The following GDAP1 variants were observed in gnomAD, a reference collection of about 807,000 sequenced individuals.
GDAP1 encodes ganglioside-induced differentiation-associated protein 1.
In GDAP1, 34 loss-of-function variants were observed where a neutral mutation model predicts 40.1. That is an observed-to-expected ratio of 0.85 (90% CI 0.64 to 1.13). The LOEUF is 1.13. Among genes scored for constraint, GDAP1 ranks in the 50% most tolerant of loss-of-function variants. The probability of loss-of-function intolerance (pLI) is 0.00; values close to 1 mark genes in which losing one functional copy is unlikely to be tolerated. For synonymous variants in GDAP1, 170 were observed against 157.4 expected (o/e 1.08, Z -0.60); for missense variants, 374 against 433.7 (o/e 0.86, Z 1.22).
At chr8:74,403,575 C>G (rs1805591851) in intron 2 of GDAP1, among the ~76,000 whole-genome samples, 1 of 150,216 alleles carries the variant, frequency 6.7e-6, no homozygotes, top group South Asian at 2.1e-4. Flanking sequence ...TTAGCTTTTG[C>G]TGGTGAAGCA....
downstream of GDAP1, among the ~76,000 whole-genome samples, chr8:74,368,597 G>A (rs1417588842): frequency 6.6e-6 from 1 of 152,102 alleles, no homozygotes; most frequent in African/African-American, 2.4e-5. Flanking sequence ...GACTACATGA[G>A]TCCTATCAGA....
chr8:74,447,639 C>T (rs1390167566), intron 2 of GDAP1, among the ~76,000 whole-genome samples: 5 of 152,112 alleles, frequency 3.3e-5, no homozygotes, highest in Non-Finnish European at 7.4e-5. Flanking sequence ...TCAGATTCCC[C>T]CAAGCACACC....
rs371349812 is a variant in GDAP1 at position 74,350,449 on chromosome 8, C to A, written c.-13C>A. ...CGGACAGGCTGGGCGCACCCGTGCT[C>A]GCGCACCCCAAGATGGCTGAGAGGC... is the stretch of plus-strand genomic sequence containing the variant. On this transcript the variant is annotated 5_prime_UTR_variant, in exon 1 of 6. Coordinates refer to ENST00000220822, the MANE Select transcript of GDAP1 (RefSeq NM_018972.4). 6.4e-7 allele frequency: 1 copy of A among 1,551,920 alleles called. No individual in the cohort carries two copies. Among genetic ancestry groups the A allele is most frequent in the Non-Finnish European group, 8.9e-7 (1 of 1,125,432 alleles).
At chr8:74,359,654 A>G (rs1054690227) in intron 2 of GDAP1, among the ~76,000 whole-genome samples, 2 of 152,176 alleles carry the variant, frequency 1.3e-5, no homozygotes, top group African/African-American at 4.8e-5. Context: ...AACTTTATTG[A>G]GGGCCTCAAG....
intron 2 of GDAP1, among the ~76,000 whole-genome samples, chr8:74,380,730 C>G (rs1563452438): frequency 6.6e-6 from 1 of 151,984 alleles, no homozygotes; most frequent in Non-Finnish European, 1.5e-5. Flanking sequence ...TTTCTTTAAC[C>G]ATCTTCAAGT....
chr8:74,442,251 C>G (rs1010523822), intron 2 of GDAP1, among the ~76,000 whole-genome samples: 1 of 152,218 alleles, frequency 6.6e-6, no homozygotes, highest in African/African-American at 2.4e-5. Flanking sequence ...GGCCTAAGTT[C>G]TTCCTTATAG....
chr8:74,460,693 A>T (rs1806390385), intron 2 of GDAP1, among the ~76,000 whole-genome samples: 2 of 152,146 alleles, frequency 1.3e-5, no homozygotes, highest in South Asian at 2.1e-4. Flanking sequence ...GGAAGAAATG[A>T]GCTATGGAAT....
At chr8:74,405,069 A>G (rs1805619651) in intron 2 of GDAP1, among the ~76,000 whole-genome samples, 1 of 150,200 alleles carries the variant, frequency 6.7e-6, no homozygotes, top group Non-Finnish European at 1.5e-5. Flanking sequence ...ATAAAGAAAA[A>G]GAGGTTTAAT....
chr8:74,390,980 TA>T (rs1357280661), intron 2 of GDAP1, among the ~76,000 whole-genome samples: 1 of 152,152 alleles, frequency 6.6e-6, no homozygotes, highest in Non-Finnish European at 1.5e-5. Flanking sequence ...TTGTTTACAC[TA>T]TGAGGGGAAA....
intron 2 of GDAP1, among the ~76,000 whole-genome samples, chr8:74,374,564 A>T (rs1209218361): frequency 6.6e-6 from 1 of 152,242 alleles, no homozygotes; most frequent in Non-Finnish European, 1.5e-5. Context: ...CTCAAAATTC[A>T]TCCTTGGAAA....
At chr8:74,479,698 C>T (rs999030690) in intron 2 of GDAP1, among the ~76,000 whole-genome samples, 1 of 152,172 alleles carries the variant, frequency 6.6e-6, no homozygotes, top group African/African-American at 2.4e-5. Flanking sequence ...ATGTGTGTAG[C>T]CAGCTGGTAG....
chr8:74,466,018 C>T (rs187691781), intron 2 of GDAP1, among the ~76,000 whole-genome samples: 2 of 152,272 alleles, frequency 1.3e-5, no homozygotes, highest in East Asian at 1.9e-4. Flanking sequence ...TTGCTTATAG[C>T]GCAGACTCTC....
chr8:74,410,715 C>G (rs1017469611), intron 2 of GDAP1, among the ~76,000 whole-genome samples: 1 of 150,238 alleles, frequency 6.7e-6, no homozygotes, highest in African/African-American at 2.5e-5. Context: ...GTCTGGGAAC[C>G]TGAACAGAAG....
chr8:74,405,960 A>C lies in GDAP1; in HGVS notation c.165+54639A>C, dbSNP rs776328356. Among the ~76,000 whole-genome samples the C allele has an allele frequency of 1.6e-4, 24 of 150,190 alleles. 1 individual carries two copies. The highest frequency in any genetic ancestry group is 2.9e-4 in the Non-Finnish European group (20 of 68,044). ...AATAGATATCCGATGAGACATTCTG[A>C]ATTGTGAAAGTTTCCACATGGGAGA... On this transcript the variant is annotated intron_variant, in intron 2 of 2. Transcript: ENST00000523640.
chr8:74,459,784 A>G (rs1326735864), intron 2 of GDAP1, among the ~76,000 whole-genome samples: 1 of 152,198 alleles, frequency 6.6e-6, no homozygotes, highest in African/African-American at 2.4e-5. Context: ...TTTAGAATAT[A>G]TTTGATGTTT....
intron 2 of GDAP1, among the ~76,000 whole-genome samples, chr8:74,447,969 C>A (rs1806253175): frequency 6.6e-6 from 1 of 152,160 alleles, no homozygotes; most frequent in Admixed American, 6.6e-5. Flanking sequence ...AAATCTGAAA[C>A]AGTTCTGGTA....
chr8:74,370,932 AATAC>A (rs1809738359), downstream of GDAP1, among the ~76,000 whole-genome samples: 1 of 152,234 alleles, frequency 6.6e-6, no homozygotes, highest in African/African-American at 2.4e-5. Flanking sequence ...CATAATCATA[AATAC>A]ATATTCATCT....
intron 2 of GDAP1, among the ~76,000 whole-genome samples, chr8:74,397,677 A>G (rs1403836795): frequency 6.6e-6 from 1 of 151,788 alleles, no homozygotes; most frequent in African/African-American, 2.4e-5. Flanking sequence ...GATATGCGGC[A>G]TTATTTCTGA....
chr8:74,353,367 A>C (rs1243918376), intron 2 of GDAP1, among the ~76,000 whole-genome samples: 1 of 152,186 alleles, frequency 6.6e-6, no homozygotes, highest in Non-Finnish European at 1.5e-5. Flanking sequence ...GGGAAGGACG[A>C]AAAAACGATT....
Sources: gnomAD v4.1 joint callset for allele counts (sites outside exome capture counted in the v4.1 genomes callset) on GRCh38, gnomAD v4.1.1 for gene constraint, MANE v1.5 for transcripts, NCBI Gene and HGNC (gene_info 2026-07-23, HGNC 2026-07-21) for gene names.